The following HSPBAP1 variants were observed in gnomAD, a reference collection of about 807,000 sequenced individuals.
The protein encoded by HSPBAP1 is HSPB1-associated protein 1.
Under a neutral mutation model 45.2 loss-of-function variants are expected in HSPBAP1, and 27 were observed. That is an observed-to-expected ratio of 0.60 (90% CI 0.44 to 0.82). The LOEUF (loss-of-function observed/expected upper bound fraction) is 0.82, where lower values mean the gene tolerates loss of function less well. Among genes scored for constraint, HSPBAP1 ranks in the 40% least tolerant of loss-of-function variants. The pLI is 0.00. For synonymous variants in HSPBAP1, 204 were observed against 202.7 expected (o/e 1.01, Z -0.06); for missense variants, 510 against 590.9 (o/e 0.86, Z 1.42).
chr3:122,753,866 T>C (rs533803427), intron 5 of HSPBAP1: 1 of 985,244 alleles, frequency 1.0e-6, no homozygotes. Flanking sequence ...GGAAAACTGA[T>C]ACAATAGGCA....
At chr3:122,753,202 GAA>G in intron 5 of HSPBAP1, 1 of 116,812 alleles carries the variant, frequency 8.6e-6, no homozygotes, top group Admixed American at 2.1e-4. Flanking sequence ...ATGGATGGAA[GAA>G]GTGTGATTTG....
At chr3:122,764,364 T>A (rs1408348759) in intron 3 of HSPBAP1, among the ~76,000 whole-genome samples, 1 of 152,206 alleles carries the variant, frequency 6.6e-6, no homozygotes, top group East Asian at 1.9e-4. Flanking sequence ...GGCTTCTAGT[T>A]AATCAGTGTA....
intron 1 of HSPBAP1, among the ~76,000 whole-genome samples, chr3:122,790,673 A>G (rs1318594943): frequency 6.6e-6 from 1 of 152,344 alleles, no homozygotes; most frequent in Admixed American, 6.5e-5. Context: ...TGATAATGGA[A>G]TAAGTTTGCT....
intron 3 of HSPBAP1, among the ~76,000 whole-genome samples, chr3:122,767,995 T>G (rs1314145235): frequency 2.0e-5 from 3 of 152,134 alleles, no homozygotes; most frequent in African/African-American, 7.2e-5. Flanking sequence ...CTCCCATTCC[T>G]GCCCCACACC....
chr3:122,782,382 AACTT>A (rs1366632176), intron 1 of HSPBAP1, among the ~76,000 whole-genome samples: 13 of 152,342 alleles, frequency 8.5e-5, no homozygotes, highest in Admixed American at 3.9e-4. Flanking sequence ...CCAACACTGT[AACTT>A]ACTATTTAAA....
At chr3:122,793,058 G>A (rs1935885618) in intron 1 of HSPBAP1, among the ~76,000 whole-genome samples, 2 of 152,164 alleles carry the variant, frequency 1.3e-5, no homozygotes, top group East Asian at 1.9e-4. Context: ...AGGCTCCTTT[G>A]GAAAAGGTAT....
At chr3:122,786,236 T>A (rs1336928678) in intron 1 of HSPBAP1, among the ~76,000 whole-genome samples, 3 of 152,198 alleles carry the variant, frequency 2.0e-5, no homozygotes, top group Non-Finnish European at 4.4e-5. Context: ...CTCTACACTG[T>A]TCTGTGGCTT....
intron 1 of HSPBAP1, among the ~76,000 whole-genome samples, chr3:122,781,536 C>T (rs1483308589): frequency 6.6e-6 from 1 of 152,152 alleles, no homozygotes; most frequent in Non-Finnish European, 1.5e-5. Flanking sequence ...GCACCAGAGG[C>T]AGACCGTAGG....
At chr3:122,747,021 C>T (rs1334954000) in intron 6 of HSPBAP1, among the ~76,000 whole-genome samples, 3 of 152,122 alleles carry the variant, frequency 2.0e-5, no homozygotes, top group African/African-American at 4.8e-5. Flanking sequence ...ACCTCCCAGC[C>T]GCCTGCCTTG....
In HSPBAP1 at chr3:122,793,697, G is replaced by A; in HGVS notation, c.-17C>T. The A allele has an allele frequency of 3.7e-6, 6 of 1,613,206 alleles. No homozygotes were observed. Among genetic ancestry groups the A allele is most frequent in the Non-Finnish European group, 5.1e-6 (6 of 1,179,620 alleles). On this transcript the variant is annotated 5_prime_UTR_variant, in exon 1 of 8. Transcript: ENST00000306103. ...TGCTGCCATGGCTACCGCAAGGCGG[G>A]TTCTGCCGGAACCCAAGGCGGAGCG...
chr3:122,773,309 T>G (rs1039629339), intron 2 of HSPBAP1, among the ~76,000 whole-genome samples: 40 of 141,246 alleles, frequency 2.8e-4, no homozygotes, highest in East Asian at 2.6e-3. Flanking sequence ...ATGTGTTTTT[T>G]TTTTTTTTTT....
intron 1 of HSPBAP1, among the ~76,000 whole-genome samples, chr3:122,785,838 A>AATAT (rs2107542155): frequency 7.2e-6 from 1 of 138,726 alleles, no homozygotes; most frequent in East Asian, 1.9e-4. Context: ...GGAGTAGCCA[A>AATAT]ATATAGATAG....
intron 6 of HSPBAP1, among the ~76,000 whole-genome samples, chr3:122,748,719 A>G (rs1934018897): frequency 6.6e-6 from 1 of 152,250 alleles, no homozygotes; most frequent in African/African-American, 2.4e-5. Context: ...ACCCTATGAC[A>G]TGGCAAATCC....
At chr3:122,744,303 T>C (rs898785318) in intron 6 of HSPBAP1, among the ~76,000 whole-genome samples, 1 of 152,176 alleles carries the variant, frequency 6.6e-6, no homozygotes, top group African/African-American at 2.4e-5. Flanking sequence ...TGAACAGAGC[T>C]AAAATCTCTA....
rs1933606291 is a variant in HSPBAP1 at position 122,740,192 on chromosome 3, G to A, written c.*153C>T. The A allele has an allele frequency of 2.2e-6, 1 of 461,310 alleles. No homozygotes were observed. Among genetic ancestry groups the A allele is most frequent in the African/African-American group, 2.0e-5 (1 of 49,556 alleles). The allele number at this position is 461,310 out of a possible 1,614,324, so 28.6% of individuals were successfully genotyped here. Reference sequence around the variant, plus strand: ...TGGCCAAAGAGGAATGTGCATGAAAGAAGGTGGCAACAGACTGACATGTAA... The same window carrying A: ...TGGCCAAAGAGGAATGTGCATGAAAAAAGGTGGCAACAGACTGACATGTAA... On this transcript the variant is annotated 3_prime_UTR_variant, in exon 8 of 8. Coordinates refer to ENST00000306103, the MANE Select transcript of HSPBAP1 (RefSeq NM_024610.6).
chr3:122,758,766 A>T (rs1173530281), intron 4 of HSPBAP1: 1 of 455,012 alleles, frequency 2.2e-6, no homozygotes, highest in Non-Finnish European at 4.4e-6. Flanking sequence ...GCATACTGGC[A>T]CACACCTGTA....
At chr3:122,785,066 A>T (rs1038210754) in intron 1 of HSPBAP1, among the ~76,000 whole-genome samples, 9 of 152,242 alleles carry the variant, frequency 5.9e-5, no homozygotes, top group Non-Finnish European at 1.2e-4. Flanking sequence ...TCCACTGCAC[A>T]ATCCTATTTC....
intron 2 of HSPBAP1, among the ~76,000 whole-genome samples, chr3:122,769,633 C>T (rs191810554): frequency 5.9e-5 from 9 of 152,312 alleles, no homozygotes; most frequent in Admixed American, 5.2e-4. Flanking sequence ...TCAGTTAGCA[C>T]AGTGCTTGAC....
At chr3:122,792,717 A>G (rs1430080364) in intron 1 of HSPBAP1, among the ~76,000 whole-genome samples, 1 of 152,086 alleles carries the variant, frequency 6.6e-6, no homozygotes, top group Non-Finnish European at 1.5e-5. Flanking sequence ...TACTAAAAAT[A>G]CAAAAATTAG....
Sources: gnomAD v4.1 joint callset for allele counts (sites outside exome capture counted in the v4.1 genomes callset) on GRCh38, gnomAD v4.1.1 for gene constraint, MANE v1.5 for transcripts, NCBI Gene and HGNC (gene_info 2026-07-23, HGNC 2026-07-21) for gene names.